Variants in PEX14 observed in about 807,000 individuals in gnomAD.
PEX14 encodes peroxisomal biogenesis factor 14.
PEX14 carries 15 observed loss-of-function variants against 49.5 expected under a neutral mutation model. The ratio of observed to expected loss-of-function variants is 0.30; its 90% CI spans 0.20 to 0.47. The LOEUF (loss-of-function observed/expected upper bound fraction) is 0.47, where lower values mean the gene tolerates loss of function less well. Among genes scored for constraint, PEX14 ranks in the 20% least tolerant of loss-of-function variants. PEX14 has a pLI of 1.00. For missense variants in PEX14, 398 were observed against 494.8 expected (o/e 0.80, Z 1.86); for synonymous variants, 210 against 212.7 (o/e 0.99, Z 0.11).
intron 1 of PEX14, among the ~76,000 whole-genome samples, chr1:10,490,016 G>A (rs909618281): frequency 1.3e-5 from 2 of 152,166 alleles, no homozygotes; most frequent in African/African-American, 4.8e-5. Flanking sequence ...GAAGTGCATT[G>A]GTTGACTTTG....
At chr1:10,591,931 G>C (rs144576243) in intron 3 of PEX14, among the ~76,000 whole-genome samples, 1 of 152,174 alleles carries the variant, frequency 6.6e-6, no homozygotes, top group Non-Finnish European at 1.5e-5. Flanking sequence ...CCCTCTCTCT[G>C]TCCCTTTTTC....
chr1:10,490,988 C>T (rs1221114310), intron 1 of PEX14, among the ~76,000 whole-genome samples: 2 of 151,644 alleles, frequency 1.3e-5, no homozygotes, highest in African/African-American at 2.4e-5. Context: ...AACCACCATG[C>T]CCGGCCTTGT....
At chr1:10,487,508 C>T (rs1423026406) in intron 1 of PEX14, among the ~76,000 whole-genome samples, 17 of 86,516 alleles carry the variant, frequency 2.0e-4, no homozygotes, top group Non-Finnish European at 2.9e-4. Flanking sequence ...TTTTTTGAGA[C>T]GGAGTCTTGC....
intron 3 of PEX14, among the ~76,000 whole-genome samples, chr1:10,537,346 C>CA (rs1553187452): frequency 0.01 from 783 of 75,474 alleles, 240 homozygotes; most frequent in African/African-American, 0.033. Flanking sequence ...CCAGCACCCC[C>CA]CCCCCCCGCC....
chr1:10,606,256 G>T (rs138016115), intron 4 of PEX14, among the ~76,000 whole-genome samples: 2 of 152,216 alleles, frequency 1.3e-5, no homozygotes, highest in African/African-American at 4.8e-5. Context: ...CATCCGTCTC[G>T]TGGTGCAGTG....
chr1:10,515,371 C>T (rs1469900214), intron 2 of PEX14, among the ~76,000 whole-genome samples: 2 of 151,896 alleles, frequency 1.3e-5, no homozygotes, highest in Non-Finnish European at 2.9e-5. Context: ...TACATTAATG[C>T]ATTTAATAAT....
chr1:10,629,811 A>T lies in PEX14; in HGVS notation c.958A>T (p.Arg320Trp), dbSNP rs756632717. ...RMEVQGEEEK[R>W]EDKEDEEDEE... ...GGAGGTGCAAGGCGAGGAGGAGAAG[A>T]GGGAGGACAAGGAGGACGAGGAGGA... The change falls in exon 9 of 9, where the codon AGG becomes TGG. Residue 320 changes from arginine to tryptophan, a missense_variant. Coordinates refer to ENST00000356607, the MANE Select transcript of PEX14 (RefSeq NM_004565.3). The surrounding 1 kb of genome is among the most constrained non-coding windows in gnomAD (Gnocchi z 8.5). 1 of 1,590,766 alleles carries T rather than the reference A, an allele frequency of 6.3e-7. No homozygotes were observed. Among genetic ancestry groups the T allele is most frequent in the Non-Finnish European group, 8.6e-7 (1 of 1,163,070 alleles).
chr1:10,581,133 C>G (rs990988305), intron 3 of PEX14, among the ~76,000 whole-genome samples: 1 of 151,970 alleles, frequency 6.6e-6, no homozygotes, highest in Non-Finnish European at 1.5e-5. Context: ...GAAGCAGAAC[C>G]AATGGGAAAT....
intron 4 of PEX14, among the ~76,000 whole-genome samples, chr1:10,605,366 T>G (rs763532799): frequency 6.6e-6 from 1 of 152,166 alleles, no homozygotes; most frequent in Non-Finnish European, 1.5e-5. Flanking sequence ...CTCCATTGCT[T>G]GGAGAAAGAC....
At position 10,512,277 on chromosome 1, in the gene PEX14, A is replaced by C. The variant is rs138884890; in HGVS notation, c.84+16956A>C. Among the ~76,000 whole-genome samples, 226 of 152,180 alleles carry C rather than the reference A, an allele frequency of 1.5e-3. No homozygotes were observed. The highest frequency in any genetic ancestry group is 2.6e-3 in the Non-Finnish European group (180 of 68,004). On this transcript the variant is annotated intron_variant, in intron 2 of 8. Transcript: ENST00000356607. This position sits in a 1 kb window ranked among gnomAD's most constrained non-coding sequence, Gnocchi z 4.6. ...CTGGCCCAAGTCTAAATTTTTAAGG[A>C]CTAGAGCTCTCAGACCAGGACTTTC...
At chr1:10,534,312 T>C (rs1053356783) in intron 2 of PEX14, among the ~76,000 whole-genome samples, 5 of 152,130 alleles carry the variant, frequency 3.3e-5, no homozygotes, top group East Asian at 3.9e-4. Flanking sequence ...ACTGGGTACC[T>C]GTTCATTCTC....
intron 4 of PEX14, among the ~76,000 whole-genome samples, chr1:10,603,995 AG>A (rs1641058706): frequency 6.6e-6 from 1 of 152,206 alleles, no homozygotes; most frequent in Non-Finnish European, 1.5e-5. Flanking sequence ...AGCCCTGTGT[AG>A]TAACACAAAC....
chr1:10,538,769 C>T (rs1394077783), intron 3 of PEX14, among the ~76,000 whole-genome samples: 2 of 152,188 alleles, frequency 1.3e-5, no homozygotes, highest in Non-Finnish European at 2.9e-5. Flanking sequence ...GCTCGCTGGC[C>T]GTCTGGACCA....
At chr1:10,556,550 C>T (rs961405198) in intron 3 of PEX14, among the ~76,000 whole-genome samples, 8 of 152,096 alleles carry the variant, frequency 5.3e-5, no homozygotes, top group African/African-American at 1.9e-4. Flanking sequence ...CTGACCTCAT[C>T]CTGGGGGAGT....
At chr1:10,627,439 G>A in intron 8 of PEX14, 76 bp downstream of exon 8, 1 of 1,038,716 alleles carries the variant, frequency 9.6e-7, no homozygotes, top group Non-Finnish European at 1.5e-6. Flanking sequence ...CATGGGAGGG[G>A]CATGACGCCC....
intron 1 of PEX14, among the ~76,000 whole-genome samples, chr1:10,492,662 G>T (rs797010545): frequency 6.6e-6 from 1 of 152,152 alleles, no homozygotes. Context: ...GATAATGAAC[G>T]GAAGAATCTA....
chr1:10,538,203 G>A (rs1031201274), intron 3 of PEX14, among the ~76,000 whole-genome samples: 40 of 152,342 alleles, frequency 2.6e-4, no homozygotes, highest in African/African-American at 8.9e-4. Context: ...CCGGGGTGAG[G>A]AATGCCAGAG....
At chr1:10,572,979 A>G (rs979847074) in intron 3 of PEX14, among the ~76,000 whole-genome samples, 1 of 152,234 alleles carries the variant, frequency 6.6e-6, no homozygotes, top group Non-Finnish European at 1.5e-5. Context: ...ACAAAGCTAT[A>G]CAGCATGTTA....
At chr1:10,488,620 C>G (rs1438511899) in intron 1 of PEX14, among the ~76,000 whole-genome samples, 4 of 152,002 alleles carry the variant, frequency 2.6e-5, no homozygotes, top group African/African-American at 9.7e-5. Context: ...CTGCCTCAGC[C>G]TCCTGAGTAG....
Sources: allele counts gnomAD v4.1 joint callset (sites outside exome capture counted in the v4.1 genomes callset), GRCh38; gene constraint gnomAD v4.1.1; non-coding constraint Gnocchi (gnomAD v3.1); transcripts MANE v1.5; gene names NCBI Gene and HGNC (gene_info 2026-07-23, HGNC 2026-07-21).